The following ACTN4 variants were observed in gnomAD, a reference collection of about 807,000 sequenced individuals.
ACTN4 encodes actinin alpha 4, also known as alpha-actinin-4.
A neutral mutation model predicts 114.2 loss-of-function variants in ACTN4; 18 were observed. The observed-to-expected ratio is 0.16, with a 90% CI of 0.11 to 0.23. The LOEUF (loss-of-function observed/expected upper bound fraction) is 0.23, where lower values mean the gene tolerates loss of function less well. Ranked by LOEUF, ACTN4 falls within the 10% of genes least tolerant of loss-of-function variation. The probability of loss-of-function intolerance (pLI) is 1.00; values close to 1 mark genes in which losing one functional copy is unlikely to be tolerated. For synonymous variants in ACTN4, 515 were observed against 506.3 expected, an observed-to-expected ratio of 1.02 and a Z score of -0.23; for missense variants, 722 against 1,262.9, an observed-to-expected ratio of 0.57 and a Z score of 6.49.
At chr19:38,661,021 CAG>C (rs1976869714) in intron 1 of ACTN4, among the ~76,000 whole-genome samples, 1 of 152,146 alleles carries the variant, frequency 6.6e-6, no homozygotes, top group Admixed American at 6.5e-5. Flanking sequence ...GCGCTTCCAA[CAG>C]AGAAAACCAA....
intron 8 of ACTN4, among the ~76,000 whole-genome samples, chr19:38,712,222 G>A (rs1356019424): frequency 6.6e-6 from 1 of 152,058 alleles, no homozygotes; most frequent in Admixed American, 6.6e-5. Context: ...GAAGTTTAGG[G>A]AAACAGCTAT....
At position 38,729,441 on chromosome 19, in the gene ACTN4, A is replaced by G; in HGVS notation, c.*9A>G. The G allele has an allele frequency of 6.2e-7, 1 of 1,611,968 alleles. No individual in the cohort carries two copies. The highest frequency in any genetic ancestry group is 8.5e-7 in the Non-Finnish European group (1 of 1,179,648). ...GCGAGAGCGACCTGTGAGGCCCCAGAGACCTGACCCAACACCCCCGACGGC... is the reference window on the plus strand; with the variant it reads ...GCGAGAGCGACCTGTGAGGCCCCAGGGACCTGACCCAACACCCCCGACGGC... On this transcript the variant is annotated 3_prime_UTR_variant, in exon 21 of 21. Transcript: ENST00000252699.
chr19:38,695,758 T>TGTTA (rs907124565), intron 1 of ACTN4, among the ~76,000 whole-genome samples: 2 of 152,098 alleles, frequency 1.3e-5, no homozygotes, highest in African/African-American at 4.8e-5. Flanking sequence ...TCTTATTAAC[T>TGTTA]CCTCATCCTT....
intron 3 of ACTN4, among the ~76,000 whole-genome samples, chr19:38,702,608 G>T (rs185973772): frequency 1.1e-3 from 175 of 152,310 alleles, no homozygotes; most frequent in African/African-American, 4.0e-3. Flanking sequence ...GAGGTGCACA[G>T]AATAGATTTC....
intron 1 of ACTN4, among the ~76,000 whole-genome samples, chr19:38,652,868 C>CTG (rs578160333): frequency 1.9e-3 from 285 of 152,098 alleles, no homozygotes; most frequent in Non-Finnish European, 3.0e-3. Flanking sequence ...GGCAGATCAC[C>CTG]TGAGGTCAGG....
chr19:38,726,030 G>A, intron 17 of ACTN4, 127 bp downstream of exon 17: 2 of 1,323,492 alleles, frequency 1.5e-6, no homozygotes, highest in South Asian at 1.3e-5. Flanking sequence ...AAAAATTATT[G>A]AAGAGACCAG....
intron 4 of ACTN4, 102 bp downstream of exon 4, chr19:38,705,122 T>A: frequency 8.6e-7 from 1 of 1,160,674 alleles, no homozygotes; most frequent in Non-Finnish European, 1.3e-6. Flanking sequence ...CCTGTTTCCT[T>A]GGGGTCACTC....
chr19:38,652,335 A>G (rs1976589345), intron 1 of ACTN4, among the ~76,000 whole-genome samples: 2 of 152,190 alleles, frequency 1.3e-5, no homozygotes, highest in South Asian at 4.1e-4. Flanking sequence ...CTCTCCCCTC[A>G]TCCTCTCCAG....
At chr19:38,697,974 C>T (rs1968147990) in intron 1 of ACTN4, among the ~76,000 whole-genome samples, 1 of 152,240 alleles carries the variant, frequency 6.6e-6, no homozygotes, top group Non-Finnish European at 1.5e-5. Flanking sequence ...GTGCAGGCGC[C>T]GTACTTCCCA....
chr19:38,690,873 T>A (rs1250093732), intron 1 of ACTN4, among the ~76,000 whole-genome samples: 3 of 152,242 alleles, frequency 2.0e-5, no homozygotes, highest in Non-Finnish European at 4.4e-5. Flanking sequence ...ATTCTCCAAA[T>A]TATGTACATA....
chr19:38,725,122 C>T (rs1224651053), intron 16 of ACTN4, among the ~76,000 whole-genome samples: 1 of 152,208 alleles, frequency 6.6e-6, no homozygotes, highest in Non-Finnish European at 1.5e-5. Context: ...ACTAACCAGC[C>T]ACATGAGTGC....
intron 11 of ACTN4, 40 bp downstream of exon 11, chr19:38,718,114 C>G (rs761287376): frequency 8.3e-6 from 13 of 1,574,642 alleles, no homozygotes; most frequent in Non-Finnish European, 1.0e-5. Context: ...AGCCCCGCTC[C>G]CGTGCTCCCC....
At chr19:38,710,468 C>A in intron 8 of ACTN4, 126 bp downstream of exon 8, 1 of 1,001,158 alleles carries the variant, frequency 1.0e-6, no homozygotes. Flanking sequence ...TGGAAGCCAC[C>A]CCCAGCTCCC....
rs569281497 is a variant in ACTN4 at position 38,721,641 on chromosome 19, G to A, written c.1395G>A (p.Ala465=). The A allele has an allele frequency of 1.3e-5, 21 of 1,613,882 alleles. No homozygotes were observed. The highest frequency in any genetic ancestry group is 3.3e-5 in the South Asian group (3 of 91,080). The stretch of plus-strand genomic sequence containing the variant: ...AGGCCTTCGAGAGCGACCTGGCTGC[G>A]CACCAGGACCGCGTGGAGCAGATCG... ...KHEAFESDLA[A]HQDRVEQIAA... Residue 465 remains alanine, a synonymous_variant, in exon 12 of 21, where the codon GCG becomes GCA. Coordinates refer to ENST00000252699, the MANE Select transcript of ACTN4 (RefSeq NM_004924.6).
chr19:38,724,320 T>A lies in ACTN4; in HGVS notation c.1856T>A (p.Ile619Asn). The A allele has an allele frequency of 1.2e-6, 2 of 1,613,588 alleles. No individual in the cohort carries two copies. Among genetic ancestry groups the A allele is most frequent in the Non-Finnish European group, 1.7e-6 (2 of 1,179,966 alleles). ...TACACCACCGTCACCCCGCAAATCA[T>A]CAACTCCAAGTGGGAGAAGGTGGGC... The part of the protein sequence containing the change: ...NPYTTVTPQI[I>N]NSKWEKVQQL... Residue 619 changes from isoleucine to asparagine, a missense_variant, in exon 15 of 21, where the codon ATC (isoleucine) becomes AAC (asparagine). This residue lies in a region of ACTN4 where 523 missense variants were observed against 875.9 expected (regional missense o/e 0.60). Transcript: ENST00000252699. This position sits in a 1 kb window ranked among gnomAD's most constrained non-coding sequence, Gnocchi z 7.0.
Position 38,721,559 on chromosome 19 carries a change from A to G in ACTN4, c.1313A>G (p.His438Arg). 1 of 1,614,014 alleles carries G rather than the reference A, an allele frequency of 6.2e-7. No homozygotes were observed. The highest frequency in any genetic ancestry group is 8.5e-7 in the Non-Finnish European group (1 of 1,180,040). The change falls in exon 12 of 21, where the codon CAC becomes CGC. Residue 438 changes from histidine to arginine, a missense_variant. By Grantham distance (29) the His-to-Arg change is conservative (BLOSUM62 0). This residue lies in a region of ACTN4 where 523 missense variants were observed against 875.9 expected (regional missense o/e 0.60). Coordinates refer to ENST00000252699, the MANE Select transcript of ACTN4 (RefSeq NM_004924.6). ...CCAGGGAAGGAAGCCATGCTGAAGC[A>G]CCGGGACTACGAGACGGCCACACTA... The part of the protein sequence containing the change: ...WTDGKEAMLK[H>R]RDYETATLSD...
chr19:38,692,503 C>A (rs778175763), intron 1 of ACTN4, among the ~76,000 whole-genome samples: 19 of 152,264 alleles, frequency 1.2e-4, no homozygotes, highest in Non-Finnish European at 2.2e-4. Context: ...AGGCCAGAGG[C>A]TCCACGGGCC....
chr19:38,700,768 C>T, intron 2 of ACTN4, 54 bp downstream of exon 2: 1 of 1,523,408 alleles, frequency 6.6e-7, no homozygotes. Context: ...TGCTCTGCCA[C>T]AGCGGTCCCC....
intron 1 of ACTN4, among the ~76,000 whole-genome samples, chr19:38,669,321 A>G (rs1444080188): frequency 6.6e-6 from 1 of 152,108 alleles, no homozygotes; most frequent in Non-Finnish European, 1.5e-5. Context: ...GGCTTGGGGC[A>G]TGTTGCTGGA....
Sources: allele counts gnomAD v4.1 joint callset (sites outside exome capture counted in the v4.1 genomes callset), GRCh38; gene constraint gnomAD v4.1.1; regional missense constraint gnomAD v4.1.1; non-coding constraint Gnocchi (gnomAD v3.1); transcripts MANE v1.5; gene names NCBI Gene and HGNC (gene_info 2026-07-23, HGNC 2026-07-21).